Variants in CFAP91 observed in about 807,000 individuals in gnomAD.
The protein encoded by CFAP91 is cilia- and flagella-associated protein 91.
In CFAP91, 85 loss-of-function variants were observed where a neutral mutation model predicts 95.9. The observed-to-expected ratio is 0.89, with a 90% CI of 0.74 to 1.06. CFAP91 has a LOEUF of 1.06. CFAP91 is among the 50% of genes least tolerant of loss of function. CFAP91 has a pLI of 0.00. For synonymous variants in CFAP91, 335 were observed against 327.5 expected (o/e 1.02, Z -0.25); for missense variants, 962 against 943.4 (o/e 1.02, Z -0.26).
intron 17 of CFAP91, among the ~76,000 whole-genome samples, chr3:119,752,098 A>C (rs1224218634): frequency 1.3e-5 from 2 of 152,150 alleles, no homozygotes; most frequent in Non-Finnish European, 2.9e-5. Flanking sequence ...AATGGAGTGA[A>C]CTTTTTGCTT....
chr3:119,703,330 G>C, intron 1 of CFAP91, 108 bp downstream of exon 1: 1 of 1,506,764 alleles, frequency 6.6e-7, no homozygotes, highest in Non-Finnish European at 9.0e-7. Flanking sequence ...ACGACCCTCT[G>C]GACTGACCTC....
rs141061048 is a variant in CFAP91, at chr3:119,723,398, A to G, written c.683-2773A>G. The stretch of plus-strand genomic sequence containing the variant: ...CCTAGAGAAGCTCACATATGGTACA[A>G]TGAGACCAGTACAAGGATGTTTGTT... On this transcript the variant is annotated intron_variant, in intron 6 of 17. Transcript: ENST00000273390. Among the ~76,000 whole-genome samples, 114 of 152,358 alleles carry G rather than the reference A, an allele frequency of 7.5e-4. 1 individual carries two copies. The East Asian group carries it at 0.017, about 23-fold the overall frequency.
chr3:119,709,735 T>G, intron 4 of CFAP91, 104 bp from the exon 5 acceptor site: 1 of 858,044 alleles, frequency 1.2e-6, no homozygotes, highest in East Asian at 2.4e-5. Flanking sequence ...TATGGGATAT[T>G]TAAGCTCACT....
rs144203924 is a variant in CFAP91, at chr3:119,744,278, A to C, written c.1902+82A>C. ...AAGGAAGCTCATGACATAAAATGGC[A>C]TTTGGCTTTTGTTTATGCATTGAGT... On this transcript the variant is annotated intron_variant, in intron 14 of 17. Coordinates refer to ENST00000273390, the MANE Select transcript of CFAP91 (RefSeq NM_033364.4). 79 of 1,172,716 alleles carry C rather than the reference A, an allele frequency of 6.7e-5. No homozygotes were observed. The African/African-American group carries it at 1.1e-3, about 16-fold the overall frequency. The allele number at this position is 1,172,716 out of a possible 1,614,324, so 72.6% of individuals were successfully genotyped here.
At chr3:119,720,835 C>T (rs995171227) in intron 6 of CFAP91, among the ~76,000 whole-genome samples, 2 of 152,136 alleles carry the variant, frequency 1.3e-5, no homozygotes, top group South Asian at 2.1e-4. Flanking sequence ...CACATCCTCC[C>T]ATATATTTAA....
intron 6 of CFAP91, 162 bp downstream of exon 6, chr3:119,715,905 T>A: frequency 1.6e-6 from 1 of 628,440 alleles, no homozygotes; most frequent in Non-Finnish European, 2.8e-6. Context: ...ATACTTCTGG[T>A]CAAATAAAGA....
intron 7 of CFAP91, among the ~76,000 whole-genome samples, chr3:119,727,346 G>A (rs747479329): frequency 2.0e-5 from 3 of 152,218 alleles, no homozygotes; most frequent in Non-Finnish European, 2.9e-5. Flanking sequence ...CAAAGTAGGT[G>A]TCAAATACCC....
At chr3:119,747,789 C>A (rs751799447) in intron 15 of CFAP91, 22 bp from the exon 16 acceptor site, 1 of 1,595,916 alleles carries the variant, frequency 6.3e-7, no homozygotes, top group South Asian at 1.1e-5. Flanking sequence ...AGAAATAATT[C>A]AATTTGTTTT....
At chr3:119,736,785 C>T (rs1021473198) in intron 10 of CFAP91, among the ~76,000 whole-genome samples, 1 of 152,084 alleles carries the variant, frequency 6.6e-6, no homozygotes, top group African/African-American at 2.4e-5. Context: ...TTTATCTACT[C>T]ATCATTTGAT....
rs1470419434 is a variant in CFAP91 at position 119,766,177 on chromosome 3, G to T, written c.*1127G>T. On this transcript the variant is annotated 3_prime_UTR_variant, in exon 18 of 18. Coordinates refer to ENST00000273390, the MANE Select transcript of CFAP91 (RefSeq NM_033364.4). ...ACATTTATTAAGTGATCCAACATGG[G>T]ATGGGAAGGAATGGGCAAAGAGATT... The T allele has an allele frequency of 1.3e-5, 2 of 152,224 alleles. No homozygotes were observed. Among genetic ancestry groups the T allele is most frequent in the South Asian group, 2.1e-4 (1 of 4,832 alleles). The allele number at this position is 152,224 out of a possible 1,614,324, so 9.4% of individuals were successfully genotyped here. A position where few individuals can be genotyped will look rare whatever the true frequency, so the allele number is the denominator to read the frequency against.
intron 6 of CFAP91, among the ~76,000 whole-genome samples, chr3:119,725,914 C>T (rs2053773430): frequency 6.6e-6 from 1 of 152,118 alleles, no homozygotes; most frequent in African/African-American, 2.4e-5. Flanking sequence ...TCAGTAGTCA[C>T]TTAATATTCT....
intron 7 of CFAP91, 120 bp downstream of exon 7, chr3:119,726,468 A>T: frequency 2.1e-6 from 2 of 947,210 alleles, no homozygotes; most frequent in Non-Finnish European, 3.0e-6. Flanking sequence ...ACCTATAGAG[A>T]TAGGAAATTG....
At chr3:119,717,381 G>T (rs1414220426) in intron 6 of CFAP91, among the ~76,000 whole-genome samples, 1 of 152,118 alleles carries the variant, frequency 6.6e-6, no homozygotes, top group Non-Finnish European at 1.5e-5. Context: ...ACCTAATCTG[G>T]TACACTGTCA....
chr3:119,726,436 A>G (rs2053786022), intron 7 of CFAP91, 88 bp downstream of exon 7: 7 of 1,296,692 alleles, frequency 5.4e-6, no homozygotes, highest in South Asian at 1.6e-5. Flanking sequence ...TCCCAAATGT[A>G]TGGGTTGAAA....
At chr3:119,710,885 A>G (rs1577198393) in intron 5 of CFAP91, among the ~76,000 whole-genome samples, 2 of 152,324 alleles carry the variant, frequency 1.3e-5, no homozygotes, top group Admixed American at 1.3e-4. Context: ...TAGTTTCAGG[A>G]CAAGACAGCA....
chr3:119,760,810 A>C (rs2054524194), intron 17 of CFAP91, among the ~76,000 whole-genome samples: 1 of 148,998 alleles, frequency 6.7e-6, no homozygotes, highest in Non-Finnish European at 1.5e-5. Context: ...AGGGAAATTA[A>C]AAAAAAAACC....
intron 13 of CFAP91, among the ~76,000 whole-genome samples, chr3:119,741,348 G>A (rs967757266): frequency 4.6e-5 from 7 of 151,878 alleles, no homozygotes; most frequent in Admixed American, 3.3e-4. Flanking sequence ...AATAACAAAA[G>A]CAACATGAAA....
chr3:119,740,501 C>CAA (rs763930628), intron 12 of CFAP91, 48 bp from the exon 13 acceptor site: 4 of 1,569,284 alleles, frequency 2.5e-6, no homozygotes, highest in Non-Finnish European at 3.5e-6. Flanking sequence ...GTGCTTGGCA[C>CAA]AAAGGGATGG....
At chr3:119,738,010 G>C (rs945670923) in intron 11 of CFAP91, among the ~76,000 whole-genome samples, 9 of 152,224 alleles carry the variant, frequency 5.9e-5, no homozygotes, top group African/African-American at 2.2e-4. Flanking sequence ...ACAGGAAACT[G>C]TTAGAGATGC....
Sources: gnomAD v4.1 joint callset for allele counts (sites outside exome capture counted in the v4.1 genomes callset) on GRCh38, gnomAD v4.1.1 for gene constraint, MANE v1.5 for transcripts, NCBI Gene and HGNC (gene_info 2026-07-23, HGNC 2026-07-21) for gene names.